RIF1: variants seen among roughly 807,000 people sequenced by gnomAD.
The protein encoded by RIF1 is replication timing regulatory factor 1, also known as telomere-associated protein RIF1.
Under a neutral mutation model 247.1 loss-of-function variants are expected in RIF1, and 45 were observed. The ratio of observed to expected loss-of-function variants is 0.18; its 90% CI spans 0.14 to 0.23. RIF1 has a LOEUF of 0.23. RIF1 is among the 10% of genes least tolerant of loss of function. The pLI is 1.00. For missense variants in RIF1, 2,967 were observed against 2,862.5 expected (o/e 1.04, Z -0.83); for synonymous variants, 1,087 against 978.8 (o/e 1.11, Z -2.06).
intron 10 of RIF1, 43 bp from the exon 11 acceptor site, chr2:151,435,420 C>A (rs753063367): frequency 4.7e-6 from 5 of 1,065,386 alleles, no homozygotes; most frequent in Non-Finnish European, 7.2e-6. Flanking sequence ...AAAACTGTGA[C>A]AGTTGTATAG....
At chr2:151,462,641 A>G (rs184830538) in intron 29 of RIF1, among the ~76,000 whole-genome samples, 175 bp downstream of exon 29, 2 of 128,522 alleles carry the variant, frequency 1.6e-5, no homozygotes, top group East Asian at 2.4e-4. Flanking sequence ...ATCAGCAGAC[A>G]CTAGTCAGTG....
intron 6 of RIF1, among the ~76,000 whole-genome samples, chr2:151,419,668 A>AT (rs1241663797): frequency 6.6e-6 from 1 of 152,188 alleles, no homozygotes; most frequent in Non-Finnish European, 1.5e-5. Flanking sequence ...TATGTTCTAT[A>AT]TGTAAATGCG....
intron 7 of RIF1, among the ~76,000 whole-genome samples, chr2:151,422,002 T>G (rs1688261439): frequency 6.6e-6 from 1 of 151,908 alleles, no homozygotes; most frequent in Admixed American, 6.6e-5. Context: ...CGACCGATAT[T>G]TGTATTTTTA....
Position 151,410,444 on chromosome 2 carries a change from C to G in RIF1, c.21C>G (p.Ser7Arg), listed in dbSNP as rs139988920. The change falls in exon 2 of 36, where the codon AGC (serine) becomes AGG (arginine). Residue 7 changes from serine to arginine, a missense_variant. Physicochemically the swap from Ser to Arg is moderately radical, Grantham distance 110. Around this residue, in one of 7 missense-constraint regions of RIF1, gnomAD observed 269 missense variants for 288.6 expected, o/e 0.93. Coordinates refer to ENST00000444746, the MANE Select transcript of RIF1 (RefSeq NM_018151.5). ...CCGACATGACGGCCAGGGGTCAGAG[C>G]CCCCTCGCGCCGCTGTTGGAGACTT... MTARGQ[S>R]PLAPLLETLE... 2 of 1,613,668 alleles carry G rather than the reference C, an allele frequency of 1.2e-6. No homozygotes were observed. The highest frequency in any genetic ancestry group is 2.7e-5 in the African/African-American group (2 of 74,930).
intron 9 of RIF1, chr2:151,493,637 T>G (rs373164962): frequency 1.4e-4 from 117 of 811,978 alleles, no homozygotes; most frequent in East Asian, 2.2e-4. Flanking sequence ...GGGGTTGGTT[T>G]GTTGTTTTTA....
At chr2:151,443,173 CAATTT>C (rs1692665008) in intron 16 of RIF1, 81 bp from the exon 17 acceptor site, 10 of 881,412 alleles carry the variant, frequency 1.1e-5, no homozygotes, top group Middle Eastern at 2.6e-4. Flanking sequence ...CATGCTAAAA[CAATTT>C]TATTTCTTAA....
chr2:151,410,287 G>T, intron 1 of RIF1, 127 bp from the exon 2 acceptor site: 1 of 712,220 alleles, frequency 1.4e-6, no homozygotes, highest in South Asian at 1.7e-5. Context: ...GAGGCCTGGG[G>T]TGCAGACGCG....
the RIF1 span, chr2:151,530,807 G>A: frequency 2.3e-6 from 1 of 435,472 alleles, no homozygotes; most frequent in Non-Finnish European, 4.1e-6. Flanking sequence ...AGCAACATGG[G>A]GAGCAGGACT....
intron 26 of RIF1, among the ~76,000 whole-genome samples, 176 bp downstream of exon 26, chr2:151,460,295 T>C (rs1436720451): frequency 6.6e-6 from 1 of 152,186 alleles, no homozygotes; most frequent in Non-Finnish European, 1.5e-5. Flanking sequence ...CCCAGAAGCC[T>C]TGGGTGATGA....
intron 20 of RIF1, among the ~76,000 whole-genome samples, chr2:151,448,431 A>G (rs958537867): frequency 1.3e-5 from 2 of 152,192 alleles, no homozygotes; most frequent in South Asian, 2.1e-4. Context: ...ATCACTACCC[A>G]TAGTTAGATG....
chr2:151,417,950 A>G (rs368744010), intron 6 of RIF1, among the ~76,000 whole-genome samples: 22 of 152,258 alleles, frequency 1.4e-4, no homozygotes, highest in African/African-American at 5.1e-4. Context: ...ACACGATACT[A>G]TTTGTGTACC....
intron 15 of RIF1, among the ~76,000 whole-genome samples, chr2:151,441,011 G>T (rs1473237176): frequency 6.6e-6 from 1 of 152,102 alleles, no homozygotes; most frequent in Non-Finnish European, 1.5e-5. Flanking sequence ...TTACCACTGG[G>T]CATGGTGGCT....
chr2:151,491,637 A>G, intron 9 of RIF1: 1 of 1,420,044 alleles, frequency 7.0e-7, no homozygotes, highest in Non-Finnish European at 9.7e-7. Context: ...ACTCTAGCAT[A>G]CTAAATGGTG....
chr2:151,461,393 T>C, intron 27 of RIF1, 104 bp downstream of exon 27: 1 of 546,464 alleles, frequency 1.8e-6, no homozygotes. Context: ...GTGTACTAAT[T>C]TTTTTTTTTT....
At chr2:151,462,160 A>G in intron 27 of RIF1, 82 bp from the exon 28 acceptor site, 1 of 966,370 alleles carries the variant, frequency 1.0e-6, no homozygotes, top group South Asian at 2.0e-5. Context: ...GGCGTGAGCC[A>G]CCGTACCTGG....
At position 151,465,470 on chromosome 2, in the gene RIF1, T is replaced by C. The variant is rs1344804472; in HGVS notation, c.5950T>C (p.Leu1984=). ...SLSDNTTPVK[L]NAQTEISEQT... ...TTCTGATAATACTACACCTGTAAAA[T>C]TGAATGCTCAAACTGAGATTTCTGA... Residue 1984 remains leucine (L), a synonymous_variant, in exon 30 of 36, where the codon TTG becomes CTG. Transcript: ENST00000444746. 2 of 1,614,094 alleles carry C rather than the reference T, an allele frequency of 1.2e-6. No individual in the cohort carries two copies. The highest frequency in any genetic ancestry group is 1.7e-6 in the Non-Finnish European group (2 of 1,180,010).
chr2:151,497,111 GCTTC>G (rs2060752585), intron 10 of RIF1: 2 of 1,480,698 alleles, frequency 1.4e-6, no homozygotes, highest in Non-Finnish European at 1.8e-6. Flanking sequence ...GGTAAGGTCA[GCTTC>G]CTTGTTAAGA....
chr2:151,468,841 T>C (rs1697364240), intron 33 of RIF1, 85 bp downstream of exon 33: 1 of 957,302 alleles, frequency 1.0e-6, no homozygotes, highest in Non-Finnish European at 1.7e-6. Flanking sequence ...TTCTCATGTT[T>C]AGAATTGATT....
At chr2:151,456,450 G>T in intron 22 of RIF1, 128 bp from the exon 23 acceptor site, 1 of 553,350 alleles carries the variant, frequency 1.8e-6, no homozygotes, top group Non-Finnish European at 3.2e-6. Flanking sequence ...TTAAGTCTTT[G>T]GGCACCTTTT....
Sources: allele counts gnomAD v4.1 joint callset (sites outside exome capture counted in the v4.1 genomes callset), GRCh38; gene constraint gnomAD v4.1.1; regional missense constraint gnomAD v4.1.1; transcripts MANE v1.5; gene names NCBI Gene and HGNC (gene_info 2026-07-23, HGNC 2026-07-21).